PTPRN2: variants seen among roughly 807,000 people sequenced by gnomAD.
PTPRN2 encodes the protein receptor-type tyrosine-protein phosphatase N2.
A neutral mutation model predicts 118.8 loss-of-function variants in PTPRN2; 74 were observed. That is an observed-to-expected ratio of 0.62 (90% confidence interval 0.52 to 0.76). PTPRN2 has a LOEUF of 0.76. PTPRN2 is among the 30% of genes least tolerant of loss of function. The pLI, the probability that PTPRN2 is intolerant of heterozygous loss-of-function variation, is 0.00. For synonymous variants in PTPRN2, 641 were observed against 608.0 expected, an observed-to-expected ratio of 1.05 and a Z score of -0.80; for missense variants, 1,481 against 1,394.4, an observed-to-expected ratio of 1.06 and a Z score of -0.99.
chr7:158,213,206 T>TG (rs1827728324), intron 3 of PTPRN2, among the ~76,000 whole-genome samples: 3 of 140,368 alleles, frequency 2.1e-5, no homozygotes, highest in African/African-American at 5.3e-5. Flanking sequence ...GGCTCTGTGC[T>TG]TGTGTGTGTG....
intron 1 of PTPRN2, among the ~76,000 whole-genome samples, chr7:158,569,024 G>A (rs929316659): frequency 2.1e-4 from 32 of 152,172 alleles, no homozygotes; most frequent in African/African-American, 7.5e-4. Context: ...TCCTGGGGAG[G>A]CTGAGACAGG....
chr7:158,388,416 C>T (rs1261315470), intron 2 of PTPRN2, among the ~76,000 whole-genome samples: 4 of 152,140 alleles, frequency 2.6e-5, no homozygotes, highest in Non-Finnish European at 4.4e-5. Context: ...TCCTCGGGTG[C>T]AATTTTTCTT....
At chr7:158,069,034 G>A (rs536819492) in intron 11 of PTPRN2, among the ~76,000 whole-genome samples, 3 of 152,298 alleles carry the variant, frequency 2.0e-5, no homozygotes, top group East Asian at 1.9e-4. Context: ...TCTGTAAGCC[G>A]TGGGCTTTGC....
intron 12 of PTPRN2, among the ~76,000 whole-genome samples, chr7:157,776,201 T>TCTCCTCCTCCATCTC (rs1803216095): frequency 9.9e-6 from 1 of 101,450 alleles, no homozygotes; most frequent in African/African-American, 4.3e-5. Context: ...ACTTCCTCCC[T>TCTCCTCCTCCATCTC]CTCCTCCTCC....
At chr7:157,654,209 C>T (rs62476854) in intron 14 of PTPRN2, among the ~76,000 whole-genome samples, 63 of 104,992 alleles carry the variant, frequency 6.0e-4, no homozygotes, top group Non-Finnish European at 9.4e-4. Context: ...CTCCACACGA[C>T]GCCTGCCGCT....
intron 2 of PTPRN2, among the ~76,000 whole-genome samples, chr7:158,397,920 C>T (rs1056476817): frequency 2.4e-4 from 36 of 152,200 alleles, no homozygotes; most frequent in Middle Eastern, 3.4e-3. Context: ...ATGCCATGAA[C>T]GTAAATCGAG....
intron 11 of PTPRN2, among the ~76,000 whole-genome samples, chr7:157,939,983 G>C (rs909203960): frequency 2.0e-5 from 3 of 152,210 alleles, no homozygotes; most frequent in African/African-American, 7.2e-5. Context: ...CCAGGTCCTG[G>C]AAGGTGTCGC....
At chr7:158,078,568 G>A (rs991814078) in intron 11 of PTPRN2, among the ~76,000 whole-genome samples, 3 of 152,194 alleles carry the variant, frequency 2.0e-5, no homozygotes, top group South Asian at 2.1e-4. Flanking sequence ...GCCTGTCTAC[G>A]TCTCACCTGA....
chr7:158,541,701 C>A, intron 1 of PTPRN2: 1 of 1,261,594 alleles, frequency 7.9e-7, no homozygotes, highest in Non-Finnish European at 1.0e-6. Context: ...GCTAAGTGAA[C>A]TAAAGAAAAT....
intron 13 of PTPRN2, among the ~76,000 whole-genome samples, chr7:157,677,026 G>C (rs1483822676): frequency 6.6e-6 from 1 of 152,070 alleles, no homozygotes; most frequent in Non-Finnish European, 1.5e-5. Context: ...CCTCCTCCCG[G>C]GGCCCAGCCC....
chr7:158,308,768 A>C (rs1471643676), intron 3 of PTPRN2, among the ~76,000 whole-genome samples: 1 of 152,172 alleles, frequency 6.6e-6, no homozygotes, highest in Non-Finnish European at 1.5e-5. Context: ...GCAACTCAAA[A>C]AATAATCAGG....
chr7:158,331,948 CCCA>C (rs1804548754), intron 2 of PTPRN2, among the ~76,000 whole-genome samples: 1 of 151,026 alleles, frequency 6.6e-6, no homozygotes. Flanking sequence ...CACTCACACT[CCCA>C]CGATAAGAGC....
At chr7:158,318,639 C>A (rs914722499) in intron 2 of PTPRN2, among the ~76,000 whole-genome samples, 1 of 152,254 alleles carries the variant, frequency 6.6e-6, no homozygotes. Context: ...GCAGAGCCCG[C>A]GAGCTGCACT....
At chr7:158,465,247 C>T (rs1819309581) in intron 2 of PTPRN2, among the ~76,000 whole-genome samples, 1 of 152,204 alleles carries the variant, frequency 6.6e-6, no homozygotes, top group Non-Finnish European at 1.5e-5. Flanking sequence ...CTATCAAGAT[C>T]CATCATGATT....
chr7:157,717,943 C>A (rs184049648), intron 12 of PTPRN2, among the ~76,000 whole-genome samples: 1 of 152,268 alleles, frequency 6.6e-6, no homozygotes, highest in African/African-American at 2.4e-5. Flanking sequence ...CTGAAACATG[C>A]GCAGCCATTT....
At chr7:158,327,113 T>TCACACAAGCA (rs1312807914) in intron 2 of PTPRN2, among the ~76,000 whole-genome samples, 1 of 144,270 alleles carries the variant, frequency 6.9e-6, no homozygotes, top group African/African-American at 2.6e-5. Context: ...ATGCACATTC[T>TCACACAAGCA]CACACAAGCA....
rs548452411 is a variant in PTPRN2, at chr7:158,074,309, A to G, written c.1723+6989T>C. ...AGGCTGGGCGTTCCGTGGAGAGAAC[A>G]GCTGAGACCCCCTCGGCAGCTTCCC... On this transcript the variant is annotated intron_variant, in intron 11 of 22. Transcript: ENST00000389418. 2.6e-5 allele frequency among the ~76,000 whole-genome samples: 4 copies of G among 152,302 alleles called. No homozygotes were observed. In the East Asian group the frequency reaches 7.7e-4, roughly 29 times the overall value.
chr7:158,331,088 T>A (rs1362854323), intron 2 of PTPRN2, among the ~76,000 whole-genome samples: 2 of 143,212 alleles, frequency 1.4e-5, no homozygotes, highest in African/African-American at 5.3e-5. Flanking sequence ...CCATAAGAGC[T>A]GATGCCCGCA....
rs188415990 is a variant in PTPRN2 at position 157,840,889 on chromosome 7, G to A, written c.1788+57784C>T. ...TTCTTGGAGAGGTGAGGGGCTGGGC[G>A]CCCTCTCAGGCAGTGCCCAGGGAGA... On this transcript the variant is annotated intron_variant, in intron 12 of 22. Coordinates refer to ENST00000389418, the MANE Select transcript of PTPRN2 (RefSeq NM_002847.5). 3.7e-3 allele frequency among the ~76,000 whole-genome samples: 565 copies of A among 152,346 alleles called. 2 individuals are homozygous for A. The highest frequency in any genetic ancestry group is 5.9e-3 in the Non-Finnish European group (401 of 68,030).
Sources: gnomAD v4.1 joint callset for allele counts (sites outside exome capture counted in the v4.1 genomes callset) on GRCh38, gnomAD v4.1.1 for gene constraint, MANE v1.5 for transcripts, NCBI Gene and HGNC (gene_info 2026-07-23, HGNC 2026-07-21) for gene names.